The following PPP1R3A variants were observed in gnomAD, a reference collection of about 807,000 sequenced individuals.
PPP1R3A encodes protein phosphatase 1 regulatory subunit 3A, also known as RG1.
In PPP1R3A, 29 loss-of-function variants were observed where a neutral mutation model predicts 41.7. The observed-to-expected ratio is 0.70, with a 90% confidence interval of 0.52 to 0.95. The LOEUF is 0.95. PPP1R3A is among the 40% of genes least tolerant of loss of function. The pLI, the probability that PPP1R3A is intolerant of heterozygous loss-of-function variation, is 0.00. For synonymous variants in PPP1R3A, 485 were observed against 453.4 expected (o/e 1.07, Z -0.89); for missense variants, 1,352 against 1,292.4 (o/e 1.05, Z -0.71).
At chr7:113,900,105 G>A (rs1205311851) in intron 1 of PPP1R3A, among the ~76,000 whole-genome samples, 1 of 151,262 alleles carries the variant, frequency 6.6e-6, no homozygotes, top group African/African-American at 2.4e-5. Flanking sequence ...GTTGTTTTAG[G>A]TAGGAAACAT....
chr7:113,880,239 TGATTTCATTTGTG>T (rs1796669387), intron 3 of PPP1R3A, 114 bp from the exon 4 acceptor site: 2 of 984,832 alleles, frequency 2.0e-6, no homozygotes, highest in East Asian at 2.7e-5. Flanking sequence ...TTTCTTTGAC[TGATTTCATTTGTG>T]GATTTCATAT....
At position 113,882,059 on chromosome 7, in the gene PPP1R3A, C is replaced by A. The variant is rs763556770; in HGVS notation, c.946G>T (p.Glu316Ter). 6.2e-7 allele frequency: 1 copy of A among 1,612,478 alleles called. No homozygotes were observed. The highest frequency in any genetic ancestry group is 1.3e-5 in the African/African-American group (1 of 74,932). The stretch of plus-strand genomic sequence containing the variant: ...CTTACCATCAACTCTAATTCTTTTT[C>A]ATTATGTTCATCATGTTCCCTGTTT... ...DVNREHDEHN[E>*]KELELMINQH... The change falls in exon 3 of 4, where the codon GAA (glutamate) becomes TAA (stop). Residue 316 changes from glutamate to a stop codon, truncating the protein, a stop_gained. Coordinates refer to ENST00000284601, the MANE Select transcript of PPP1R3A (RefSeq NM_002711.4). LOFTEE classifies it low-confidence loss of function (END_TRUNC).
chr7:113,899,249 T>C (rs532588524), intron 1 of PPP1R3A, among the ~76,000 whole-genome samples: 30 of 151,902 alleles, frequency 2.0e-4, no homozygotes, highest in Non-Finnish European at 4.4e-5. Context: ...TAGTGTATTA[T>C]TGATTAAAAT....
rs770808497 is a variant in PPP1R3A, at chr7:113,880,071, T to C, written c.1021A>G (p.Thr341Ala). 1.2e-5 allele frequency: 20 copies of C among 1,609,688 alleles called. No individual in the cohort carries two copies. Among genetic ancestry groups the C allele is most frequent in the Non-Finnish European group, 6.8e-6 (8 of 1,176,518 alleles). Residue 341 changes from threonine (T) to alanine (A), a missense_variant, in exon 4 of 4, where the codon ACA (threonine) becomes GCA (alanine). Thr to Ala is a moderately conservative substitution (Grantham distance 58, BLOSUM62 0). Coordinates refer to ENST00000284601, the MANE Select transcript of PPP1R3A (RefSeq NM_002711.4). The part of the protein sequence containing the change: ...RSTASRDERN[T>A]FSTDPVNFPN... Reference sequence around the variant, plus strand: ...AAATTGACTGGATCTGTTGAAAATGTATTCCTTTCATCTCTGGAAGCAGTA... The same window carrying C: ...AAATTGACTGGATCTGTTGAAAATGCATTCCTTTCATCTCTGGAAGCAGTA...
chr7:113,892,626 T>A (rs1481820060), intron 1 of PPP1R3A, among the ~76,000 whole-genome samples: 1 of 151,968 alleles, frequency 6.6e-6, no homozygotes, highest in Non-Finnish European at 1.5e-5. Flanking sequence ...AAAAGAGGGA[T>A]CAGTGTCTAA....
In PPP1R3A at chr7:113,882,138, A is replaced by C; in HGVS notation, c.867T>G (p.Cys289Trp). ...CCAAATCTTCCTTGTCCTCATGAGA[A>C]CAAATGATTGTTGGGATATAGGTAT... ...NTDTYIPTIICSHEDKEDLEA... is the reference protein window; with the variant it reads ...NTDTYIPTIIWSHEDKEDLEA... Residue 289 changes from cysteine to tryptophan, a missense_variant, in exon 3 of 4, where the codon TGT (cysteine) becomes TGG (tryptophan). Cys to Trp is a radical substitution (Grantham distance 215, BLOSUM62 -2). Transcript: ENST00000284601. 6.2e-7 allele frequency: 1 copy of C among 1,611,804 alleles called. No homozygotes were observed. Among genetic ancestry groups the C allele is most frequent in the Non-Finnish European group, 8.5e-7 (1 of 1,178,370 alleles).
At chr7:113,891,327 A>G (rs189562907) in intron 1 of PPP1R3A, among the ~76,000 whole-genome samples, 4 of 152,148 alleles carry the variant, frequency 2.6e-5, no homozygotes, top group African/African-American at 7.2e-5. Flanking sequence ...AATGTAGTAA[A>G]TGGCACACTG....
intron 1 of PPP1R3A, among the ~76,000 whole-genome samples, chr7:113,909,826 G>C (rs562689171): frequency 3.3e-5 from 5 of 152,142 alleles, no homozygotes; most frequent in African/African-American, 4.8e-5. Flanking sequence ...ACAGAACAAC[G>C]TAAGTGGCTA....
chr7:113,893,268 C>T lies in PPP1R3A; in HGVS notation c.783-10948G>A, dbSNP rs1796923213. On this transcript the variant is annotated intron_variant, in intron 1 of 3. Coordinates refer to ENST00000284601, the MANE Select transcript of PPP1R3A (RefSeq NM_002711.4). ...TTAGAGGTATTTAATTGAAAAAATT[C>T]TTAATATTTTTCAAAAACAAAAATG... 4.6e-5 allele frequency among the ~76,000 whole-genome samples: 7 copies of T among 151,792 alleles called. No individual in the cohort carries two copies. The Admixed American group carries it at 4.6e-4, about 10-fold the overall frequency.
intron 1 of PPP1R3A, among the ~76,000 whole-genome samples, chr7:113,895,761 C>T (rs1796966422): frequency 6.6e-6 from 1 of 151,898 alleles, no homozygotes; most frequent in African/African-American, 2.4e-5. Flanking sequence ...AAAATCCAAA[C>T]AAGAACCCTA....
Position 113,878,107 on chromosome 7 carries a change from C to G in PPP1R3A, c.2985G>C (p.Gln995His). The G allele has an allele frequency of 6.2e-7, 1 of 1,613,398 alleles. No homozygotes were observed. Among genetic ancestry groups the G allele is most frequent in the Non-Finnish European group, 8.5e-7 (1 of 1,179,670 alleles). Reference protein sequence around the residue: ...SGSRKERCIGQIFQTEEYSVE... With the variant: ...SGSRKERCIGHIFQTEEYSVE... ...CACTATACTCTTCTGTTTGGAAAATCTGGCCTATGCATCTTTCTTTTCTAC... is the reference window on the plus strand; with the variant it reads ...CACTATACTCTTCTGTTTGGAAAATGTGGCCTATGCATCTTTCTTTTCTAC... Residue 995 changes from glutamine to histidine, a missense_variant, in exon 4 of 4, where the codon CAG becomes CAC. By Grantham distance (24) the Gln-to-His change is conservative. Coordinates refer to ENST00000284601, the MANE Select transcript of PPP1R3A (RefSeq NM_002711.4).
At chr7:113,916,855 C>A (rs948039726) in intron 1 of PPP1R3A, among the ~76,000 whole-genome samples, 2 of 152,040 alleles carry the variant, frequency 1.3e-5, no homozygotes, top group African/African-American at 2.4e-5. Context: ...TTATTATACT[C>A]TCTTTCCTAA....
In PPP1R3A at chr7:113,877,832, A is replaced by C. The variant is rs139484221; in HGVS notation, c.3260T>G (p.Ile1087Arg). The C allele has an allele frequency of 2.5e-4, 403 of 1,609,210 alleles. 2 individuals carry two copies. The highest frequency in any genetic ancestry group is 1.1e-3 in the South Asian group (99 of 90,968). Residue 1087 changes from isoleucine (I) to arginine (R), a missense_variant, in exon 4 of 4, where the codon ATA (isoleucine) becomes AGA (arginine). Coordinates refer to ENST00000284601, the MANE Select transcript of PPP1R3A (RefSeq NM_002711.4). ...CATTAAGTCATAATGGTAGACAGTT[A>C]TAAGAAATATCAGAAACAAAAGGAA... The part of the protein sequence containing the change: ...PYFLLFLIFL[I>R]TVYHYDLMIG...
chr7:113,882,074 G>C lies in PPP1R3A; in HGVS notation c.931C>G (p.His311Asp). 6.2e-7 allele frequency: 1 copy of C among 1,612,562 alleles called. No homozygotes were observed. Among genetic ancestry groups the C allele is most frequent in the Admixed American group, 1.7e-5 (1 of 59,906 alleles). The change falls in exon 3 of 4, where the codon CAT (histidine) becomes GAT (aspartate). Residue 311 changes from histidine to aspartate, a missense_variant. Transcript: ENST00000284601. ...NRNVKDVNRE[H>D]DEHNEKELEL... is the part of the protein sequence containing the mutation. ...AATTCTTTTTCATTATGTTCATCAT[G>C]TTCCCTGTTTACATCTTTTACATTT...
In PPP1R3A at chr7:113,878,582, C is replaced by T. The variant is rs1796615654; in HGVS notation, c.2510G>A (p.Cys837Tyr). The T allele has an allele frequency of 6.2e-7, 1 of 1,613,598 alleles. No homozygotes were observed. The highest frequency in any genetic ancestry group is 2.2e-5 in the East Asian group (1 of 44,830). Residue 837 changes from cysteine to tyrosine, a missense_variant, in exon 4 of 4, where the codon TGT becomes TAT. Coordinates refer to ENST00000284601, the MANE Select transcript of PPP1R3A (RefSeq NM_002711.4). ...CACAGATGTTATATTTCCAGTGCCA[C>T]ATTTCTCCCTGTCATGTGTCTTCCT... ...NPRKTHDREK[C>Y]GTGNITSVEE...
At chr7:113,900,499 T>G (rs1243184045) in intron 1 of PPP1R3A, among the ~76,000 whole-genome samples, 1 of 151,318 alleles carries the variant, frequency 6.6e-6, no homozygotes, top group Non-Finnish European at 1.5e-5. Flanking sequence ...ACTTGCAAGA[T>G]TACACTTGCA....
intron 1 of PPP1R3A, among the ~76,000 whole-genome samples, chr7:113,899,702 T>C (rs964952581): frequency 2.0e-5 from 3 of 151,798 alleles, no homozygotes; most frequent in Non-Finnish European, 2.9e-5. Context: ...CTTTTAAAAA[T>C]ACCAAGCCTG....
chr7:113,918,082 C>T, intron 1 of PPP1R3A, 133 bp downstream of exon 1: 2 of 857,348 alleles, frequency 2.3e-6, no homozygotes, highest in South Asian at 1.8e-5. Context: ...CTTGTTAAAG[C>T]CTGGCACCAT....
intron 1 of PPP1R3A, among the ~76,000 whole-genome samples, chr7:113,900,974 C>T (rs1013446053): frequency 6.6e-6 from 1 of 151,322 alleles, no homozygotes; most frequent in African/African-American, 2.4e-5. Flanking sequence ...AGAATTTCTT[C>T]TTTGATTAGA....
Sources: gnomAD v4.1 joint callset for allele counts (sites outside exome capture counted in the v4.1 genomes callset) on GRCh38, gnomAD v4.1.1 for gene constraint, MANE v1.5 for transcripts, NCBI Gene and HGNC (gene_info 2026-07-23, HGNC 2026-07-21) for gene names.